CCDC171: variants seen among roughly 807,000 people sequenced by gnomAD.
The protein encoded by CCDC171 is coiled-coil domain-containing protein 171.
A neutral mutation model predicts 168.2 loss-of-function variants in CCDC171; 177 were observed. The ratio of observed to expected loss-of-function variants is 1.05; its 90% CI spans 0.93 to 1.19. CCDC171 has a LOEUF of 1.19. Among genes scored for constraint, CCDC171 ranks in the 50% most tolerant of loss-of-function variants. CCDC171 has a pLI of 0.00. For synonymous variants in CCDC171, 687 were observed against 540.8 expected (o/e 1.27, Z -3.75); for missense variants, 1,991 against 1,539.0 (o/e 1.29, Z -4.91).
intron 8 of CCDC171, among the ~76,000 whole-genome samples, chr9:16,037,227 C>A (rs755251279): frequency 2.6e-5 from 4 of 152,120 alleles, no homozygotes; most frequent in Non-Finnish European, 5.9e-5. Context: ...ACATATTGTA[C>A]ACATATATGA....
intron 7 of CCDC171, among the ~76,000 whole-genome samples, chr9:15,635,344 C>G (rs116497264): frequency 1.3e-5 from 2 of 152,230 alleles, no homozygotes; most frequent in South Asian, 4.2e-4. Flanking sequence ...GCTATTTACA[C>G]CCTTGTCCTT....
At chr9:15,915,826 T>C (rs1166180472) in intron 24 of CCDC171, among the ~76,000 whole-genome samples, 1 of 152,192 alleles carries the variant, frequency 6.6e-6, no homozygotes, top group Non-Finnish European at 1.5e-5. Context: ...CATGATGGTA[T>C]ACTGAATTTT....
At chr9:15,825,676 TTC>T (rs1409568668) in intron 21 of CCDC171, among the ~76,000 whole-genome samples, 1 of 152,114 alleles carries the variant, frequency 6.6e-6, no homozygotes, top group Non-Finnish European at 1.5e-5. Context: ...TTGGGGCATT[TTC>T]TCTCTAGGAG....
intron 25 of CCDC171, among the ~76,000 whole-genome samples, chr9:15,932,945 C>T (rs1826700974): frequency 6.6e-6 from 1 of 151,952 alleles, no homozygotes; most frequent in African/African-American, 2.4e-5. Flanking sequence ...ATGAATTCCA[C>T]TTGATCACAG....
At chr9:15,762,545 G>A (rs867333720) in intron 18 of CCDC171, among the ~76,000 whole-genome samples, 113 of 152,258 alleles carry the variant, frequency 7.4e-4, no homozygotes, top group African/African-American at 2.6e-3. Flanking sequence ...CTTAGGCTAA[G>A]AGTAGATAGG....
At chr9:15,729,881 T>C in intron 16 of CCDC171, 83 bp downstream of exon 16, 2 of 1,034,306 alleles carry the variant, frequency 1.9e-6, no homozygotes, top group Non-Finnish European at 2.8e-6. Flanking sequence ...GTAGCAGTGC[T>C]AAATCAGTTT....
intron 23 of CCDC171, among the ~76,000 whole-genome samples, chr9:15,873,423 A>G (rs1347913650): frequency 1.3e-5 from 2 of 152,224 alleles, no homozygotes; most frequent in Middle Eastern, 3.4e-3. Context: ...AGTTAATGCA[A>G]TTTTTATAGT....
chr9:15,649,210 G>A lies in CCDC171; in HGVS notation c.823-7917G>A, dbSNP rs201303258. 8.0e-4 allele frequency among the ~76,000 whole-genome samples: 121 copies of A among 152,100 alleles called. 1 individual carries two copies. The highest frequency in any genetic ancestry group is 2.7e-3 in the African/African-American group (110 of 41,434). On this transcript the variant is annotated intron_variant, in intron 7 of 25. Transcript: ENST00000380701. ...GGCTAGCCATATGTAGAAAGCTGAA[G>A]CTGGATTCCTTCCTTACACCTTATA...
chr9:16,078,994 A>G, the CCDC171 span, among the ~76,000 whole-genome samples: 15 of 152,226 alleles, frequency 9.9e-5, no homozygotes, highest in Admixed American at 3.9e-4. Flanking sequence ...TGATCTCTGC[A>G]GGAAAATAGA....
At chr9:15,716,460 T>C (rs1333372310) in intron 11 of CCDC171, among the ~76,000 whole-genome samples, 1 of 152,124 alleles carries the variant, frequency 6.6e-6, no homozygotes, top group African/African-American at 2.4e-5. Context: ...GGTGACCCTT[T>C]TTTTTTTATT....
chr9:15,607,977 A>T (rs2043346589), intron 6 of CCDC171, among the ~76,000 whole-genome samples: 1 of 152,146 alleles, frequency 6.6e-6, no homozygotes, highest in Non-Finnish European at 1.5e-5. Flanking sequence ...GAGACATCTA[A>T]TGTCAAGGGA....
chr9:15,906,838 A>C (rs892671986), intron 24 of CCDC171, among the ~76,000 whole-genome samples: 25 of 152,056 alleles, frequency 1.6e-4, no homozygotes, highest in Non-Finnish European at 3.4e-4. Flanking sequence ...CTGGATACAA[A>C]ATCAATGTGC....
At chr9:15,909,059 CAATTGAGTATATCACAGAGTTATAT>C (rs767139958) in intron 24 of CCDC171, among the ~76,000 whole-genome samples, 3 of 152,038 alleles carry the variant, frequency 2.0e-5, no homozygotes, top group Non-Finnish European at 4.4e-5. Flanking sequence ...AGTACGACTC[CAATTGAGTATATCACAGAGTTATAT>C]AAGTCTTTAA....
the CCDC171 span, among the ~76,000 whole-genome samples, chr9:16,069,881 A>C: frequency 5.9e-5 from 9 of 152,146 alleles, 1 homozygote; most frequent in African/African-American, 2.2e-4. Context: ...AGTTGCTGTC[A>C]GCCCTTCCCA....
chr9:15,693,758 C>T (rs2051002901), intron 10 of CCDC171, among the ~76,000 whole-genome samples: 2 of 152,110 alleles, frequency 1.3e-5, no homozygotes, highest in South Asian at 2.1e-4. Context: ...ATAAACATAC[C>T]TTTAACATCA....
At chr9:15,875,368 A>T (rs991859130) in intron 24 of CCDC171, 1 of 152,030 alleles carries the variant, frequency 6.6e-6, no homozygotes, top group Admixed American at 6.6e-5. Context: ...TTATGTCACT[A>T]TTGTATTAAT....
intron 18 of CCDC171, among the ~76,000 whole-genome samples, chr9:15,752,708 C>G (rs548005029): frequency 1.3e-5 from 2 of 152,208 alleles, no homozygotes; most frequent in South Asian, 2.1e-4. Context: ...CACACGGACA[C>G]AGGGAGGAGA....
At chr9:15,916,962 C>G (rs1038030058) in intron 24 of CCDC171, among the ~76,000 whole-genome samples, 2 of 151,894 alleles carry the variant, frequency 1.3e-5, no homozygotes, top group African/African-American at 4.8e-5. Flanking sequence ...TTCTCAAATC[C>G]TGGACTTGCT....
intron 1 of CCDC171, among the ~76,000 whole-genome samples, chr9:16,049,055 A>T (rs946559465): frequency 1.3e-5 from 2 of 152,194 alleles, no homozygotes; most frequent in African/African-American, 4.8e-5. Context: ...TAACATCTAA[A>T]ATCCCTAATG....
Sources: allele counts gnomAD v4.1 joint callset (sites outside exome capture counted in the v4.1 genomes callset), GRCh38; gene constraint gnomAD v4.1.1; transcripts MANE v1.5; gene names NCBI Gene and HGNC (gene_info 2026-07-23, HGNC 2026-07-21).